Variants in ARHGEF17 observed in about 807,000 individuals in gnomAD.
The protein encoded by ARHGEF17 is 164 kDa Rho-specific guanine-nucleotide exchange factor.
In ARHGEF17, 80 loss-of-function variants were observed where a neutral mutation model predicts 174.0. The observed-to-expected ratio is 0.46, with a 90% CI of 0.38 to 0.55. The LOEUF is 0.55. ARHGEF17 is among the 20% of genes least tolerant of loss of function. ARHGEF17 has a pLI of 0.00. For missense variants in ARHGEF17, 2,886 were observed against 2,839.7 expected (o/e 1.02, Z -0.37); for synonymous variants, 1,311 against 1,189.1 (o/e 1.10, Z -2.11).
chr11:73,360,539 C>T lies in ARHGEF17; in HGVS notation c.4420+6C>T. 6.2e-7 allele frequency: 1 copy of T among 1,613,682 alleles called. No individual in the cohort carries two copies. Reference sequence around the variant, plus strand: ...TGAGGCCAAGAGGAAGCTGGGTAAGCCAAGGCACATGTTGGCCCTCTCCTC... The same window carrying T: ...TGAGGCCAAGAGGAAGCTGGGTAAGTCAAGGCACATGTTGGCCCTCTCCTC... On this transcript the variant is annotated splice_donor_region_variant and intron_variant, in intron 11 of 20. Coordinates refer to ENST00000263674, the MANE Select transcript of ARHGEF17 (RefSeq NM_014786.4).
chr11:73,332,381 GTGTGTGTGTGTGTGTGTGTGTGTGTGTA>G (rs1334599664), intron 1 of ARHGEF17, among the ~76,000 whole-genome samples: 14 of 142,286 alleles, frequency 9.8e-5, no homozygotes, highest in Admixed American at 2.3e-4. Context: ...GTGTGTGTGT[GTGTGTGTGTGTGTGTGTGTGTGTGTGTA>G]TTTTAAATAA....
At chr11:73,328,904 GGA>G (rs956941160) in intron 1 of ARHGEF17, among the ~76,000 whole-genome samples, 8 of 152,088 alleles carry the variant, frequency 5.3e-5, no homozygotes, top group Admixed American at 4.6e-4. Flanking sequence ...AGAAGGTCTA[GGA>G]GAGAGAGTCA....
chr11:73,363,738 G>T lies in ARHGEF17; in HGVS notation c.5247-9G>T. 3.7e-6 allele frequency: 6 copies of T among 1,613,838 alleles called. No individual in the cohort carries two copies. Among genetic ancestry groups the T allele is most frequent in the East Asian group, 4.5e-5 (2 of 44,890 alleles). ...AGCATTTGTCCCAGGTGCATACCCCGATCCACAGTGTCCACGTGTACCAGT... is the reference window on the plus strand; with the variant it reads ...AGCATTTGTCCCAGGTGCATACCCCTATCCACAGTGTCCACGTGTACCAGT... On this transcript the variant is annotated splice_polypyrimidine_tract_variant and intron_variant, in intron 15 of 20. Transcript: ENST00000263674.
chr11:73,356,365 G>GCCCCCCCCCCCCCCCCCCCCCCC lies in ARHGEF17; in HGVS notation c.3840+18_3840+19insCCCCCCCCCCCCCCCCCCCCCCC. On this transcript the variant is annotated intron_variant, in intron 6 of 20. Coordinates refer to ENST00000263674, the MANE Select transcript of ARHGEF17 (RefSeq NM_014786.4). The stretch of plus-strand genomic sequence containing the variant: ...GGCATGGAGGATGTGCGTGCGCCCT[G>GCCCCCCCCCCCCCCCCCCCCCCC]CCCCACCCCACCCTACCCCACCCCA... The GCCCCCCCCCCCCCCCCCCCCCCC allele has an allele frequency of 6.3e-7, 1 of 1,593,360 alleles. No homozygotes were observed. The highest frequency in any genetic ancestry group is 1.1e-5 in the South Asian group (1 of 88,778).
At chr11:73,339,279 A>G (rs1865332279) in intron 1 of ARHGEF17, among the ~76,000 whole-genome samples, 1 of 152,246 alleles carries the variant, frequency 6.6e-6, no homozygotes, top group South Asian at 2.1e-4. Flanking sequence ...ATAAGTATTT[A>G]TTGAACTAAT....
intron 2 of ARHGEF17, among the ~76,000 whole-genome samples, chr11:73,348,434 G>C (rs116768557): frequency 0.018 from 2,804 of 152,266 alleles, 80 homozygotes; most frequent in African/African-American, 0.065. Flanking sequence ...ACAGGGATAC[G>C]CCTTAAAAGG....
chr11:73,312,189 C>T (rs1864850048), intron 1 of ARHGEF17, among the ~76,000 whole-genome samples: 1 of 152,230 alleles, frequency 6.6e-6, no homozygotes, highest in African/African-American at 2.4e-5. Context: ...GTGATGGCAC[C>T]CAGCGCAGGC....
At chr11:73,363,927 C>G in intron 16 of ARHGEF17, 94 bp downstream of exon 16, 1 of 1,372,000 alleles carries the variant, frequency 7.3e-7, no homozygotes, top group Non-Finnish European at 1.0e-6. Flanking sequence ...TCTACTGTCC[C>G]TCCTCTGTGT....
chr11:73,367,102 CT>C (rs1865852475), intron 20 of ARHGEF17, among the ~76,000 whole-genome samples: 1 of 152,130 alleles, frequency 6.6e-6, no homozygotes. Context: ...CCAGAAAAGT[CT>C]TGCTTTGGCA....
At chr11:73,359,754 G>C in intron 9 of ARHGEF17, 80 bp from the exon 10 acceptor site, 2 of 1,200,612 alleles carry the variant, frequency 1.7e-6, no homozygotes, top group Non-Finnish European at 2.3e-6. Context: ...TGCAGGCTAT[G>C]CAGTGAGGGA....
chr11:73,348,585 A>G (rs911635392), intron 2 of ARHGEF17, among the ~76,000 whole-genome samples: 1 of 152,278 alleles, frequency 6.6e-6, no homozygotes, highest in African/African-American at 2.4e-5. Flanking sequence ...GATGGAAGGT[A>G]GGATGGTGGG....
chr11:73,309,998 G>C lies in ARHGEF17; in HGVS notation c.1360G>C (p.Glu454Gln), dbSNP rs377186252. ...RALRDGGFEP[E>Q]KSRQRKSLSN... ...ATTGAGGGATGGAGGATTTGAGCCT[G>C]AAAAGAGTCGACAGCGGAAGTCCCT... is the stretch of plus-strand genomic sequence containing the variant. The change falls in exon 1 of 21, where the codon GAA (glutamate) becomes CAA (glutamine). Residue 454 changes from glutamate (E) to glutamine (Q), a missense_variant. Glu to Gln is a conservative substitution (Grantham distance 29, BLOSUM62 2). This residue lies in a region of ARHGEF17 where 1,728 missense variants were observed against 1,461.2 expected (regional missense o/e 1.18). Transcript: ENST00000263674. The C allele has an allele frequency of 1.2e-6, 2 of 1,613,996 alleles. No individual in the cohort carries two copies. Among genetic ancestry groups the C allele is most frequent in the African/African-American group, 1.3e-5 (1 of 74,924 alleles).
Position 73,365,888 on chromosome 11 carries a change from T to G in ARHGEF17, c.5936T>G (p.Val1979Gly). The change falls in exon 20 of 21, where the codon GTC (valine) becomes GGC (glycine). Residue 1979 changes from valine (V) to glycine (G), a missense_variant. This residue lies in a region of ARHGEF17 where 329 missense variants were observed against 435.2 expected (regional missense o/e 0.76). Coordinates refer to ENST00000263674, the MANE Select transcript of ARHGEF17 (RefSeq NM_014786.4). This position sits in a 1 kb window ranked among gnomAD's most constrained non-coding sequence, Gnocchi z 4.9. ...GGCCACGTCCGCTTCTTGGCTGCAG[T>G]CCAGCTGCCAGATGGCTTCAACCTG... ...HTGHVRFLAAVQLPDGFNLLC... is the reference protein window; with the variant it reads ...HTGHVRFLAAGQLPDGFNLLC... 2.5e-6 allele frequency: 4 copies of G among 1,610,098 alleles called. No individual in the cohort carries two copies. Among genetic ancestry groups the G allele is most frequent in the Non-Finnish European group, 3.4e-6 (4 of 1,180,006 alleles).
rs765574556 is a variant in ARHGEF17 at position 73,360,362 on chromosome 11, C to T, written c.4249C>T (p.Arg1417Trp). Reference sequence around the variant, plus strand: ...GCGGGACCTCTCAGCTGCCATGCACCGGGACCTGTCGGAGAAGCAGGCGCT... The same window carrying T: ...GCGGGACCTCTCAGCTGCCATGCACTGGGACCTGTCGGAGAAGCAGGCGCT... ...ALRDLSAAMH[R>W]DLSEKQALCY... is the part of the protein sequence containing the mutation. The change falls in exon 11 of 21, where the codon CGG (arginine) becomes TGG (tryptophan). Residue 1417 changes from arginine (R) to tryptophan (W), a missense_variant. Physicochemically the swap from Arg to Trp is moderately radical, Grantham distance 101. Around this residue, in one of 4 missense-constraint regions of ARHGEF17, gnomAD observed 476 missense variants for 473.1 expected, o/e 1.01. Transcript: ENST00000263674. The T allele has an allele frequency of 3.7e-5, 60 of 1,613,772 alleles. No homozygotes were observed. Among genetic ancestry groups the T allele is most frequent in the Admixed American group, 5.0e-5 (3 of 60,014 alleles).
intron 1 of ARHGEF17, among the ~76,000 whole-genome samples, chr11:73,326,744 G>A (rs1469394913): frequency 2.0e-5 from 3 of 152,066 alleles, no homozygotes; most frequent in Admixed American, 2.0e-4. Context: ...ATAAATAAAT[G>A]AATAAAAATA....
intron 1 of ARHGEF17, among the ~76,000 whole-genome samples, chr11:73,338,904 G>A (rs943693331): frequency 6.6e-6 from 1 of 152,140 alleles, no homozygotes; most frequent in Non-Finnish European, 1.5e-5. Context: ...TGGGGCTGCT[G>A]TGGGGATTAA....
At chr11:73,323,845 G>A (rs982506492) in intron 1 of ARHGEF17, among the ~76,000 whole-genome samples, 2 of 152,380 alleles carry the variant, frequency 1.3e-5, no homozygotes, top group South Asian at 2.1e-4. Flanking sequence ...TGGTGCCTGG[G>A]CAGTGGAGGG....
chr11:73,350,410 G>A (rs1767353380), intron 2 of ARHGEF17, among the ~76,000 whole-genome samples: 1 of 152,182 alleles, frequency 6.6e-6, no homozygotes, highest in Admixed American at 6.5e-5. Flanking sequence ...AGGTCACAGA[G>A]TTAGGAAGTG....
At chr11:73,366,707 G>A (rs1237333769) in intron 20 of ARHGEF17, among the ~76,000 whole-genome samples, 2 of 152,084 alleles carry the variant, frequency 1.3e-5, no homozygotes, top group African/African-American at 4.8e-5. Flanking sequence ...CTGCACCCCA[G>A]CCTGGGTGAC....
Sources: gnomAD v4.1 joint callset for allele counts (sites outside exome capture counted in the v4.1 genomes callset) on GRCh38, gnomAD v4.1.1 for gene constraint, gnomAD v4.1.1 regional missense constraint, Gnocchi (gnomAD v3.1) non-coding constraint, MANE v1.5 for transcripts, NCBI Gene and HGNC (gene_info 2026-07-23, HGNC 2026-07-21) for gene names.